Variants in MLLT3 observed in about 807,000 individuals in gnomAD.
MLLT3 encodes the protein protein AF-9.
A neutral mutation model predicts 53.2 loss-of-function variants in MLLT3; 4 were observed. That is an observed-to-expected ratio of 0.08 (90% CI 0.04 to 0.17). MLLT3 has a LOEUF of 0.17. MLLT3 is among the 10% of genes least tolerant of loss of function. MLLT3 has a pLI of 1.00. For missense variants in MLLT3, 569 were observed against 684.0 expected (o/e 0.83, Z 1.87); for synonymous variants, 283 against 230.6 (o/e 1.23, Z -2.06).
rs576964008 is a variant in MLLT3, at chr9:20,529,572, G to C, written c.194-72786C>G. Among the ~76,000 whole-genome samples the C allele has an allele frequency of 7.9e-5, 12 of 152,092 alleles. No individual in the cohort carries two copies. In the South Asian group the frequency reaches 2.5e-3, roughly 32 times the overall value. ...TCTAAAAGTATCAAATGCTTGTTTG[G>C]AATAAGCCACTCATGAAAATAATCA... On this transcript the variant is annotated intron_variant, in intron 2 of 10. Transcript: ENST00000380338.
intron 4 of MLLT3, among the ~76,000 whole-genome samples, chr9:20,427,763 G>C (rs185594462): frequency 1.3e-5 from 2 of 151,982 alleles, no homozygotes; most frequent in Admixed American, 1.3e-4. Flanking sequence ...GGCTTGACTG[G>C]GAGCCAGCTG....
At chr9:20,579,327 T>C (rs1819731409) in intron 2 of MLLT3, among the ~76,000 whole-genome samples, 1 of 151,984 alleles carries the variant, frequency 6.6e-6, no homozygotes. Context: ...CTTTGAGTAG[T>C]ACGCCACTAC....
chr9:20,534,656 G>A (rs373068560), intron 2 of MLLT3, among the ~76,000 whole-genome samples: 1 of 152,294 alleles, frequency 6.6e-6, no homozygotes, highest in East Asian at 1.9e-4. Flanking sequence ...GGACGCCAAG[G>A]CGGGCGGATC....
intron 4 of MLLT3, among the ~76,000 whole-genome samples, chr9:20,427,371 C>A (rs1018370845): frequency 1.3e-5 from 2 of 148,428 alleles, no homozygotes; most frequent in Non-Finnish European, 3.0e-5. Flanking sequence ...GGACTGAACA[C>A]AGCTGAAAAG....
chr9:20,564,293 G>C (rs1214367996), intron 2 of MLLT3, among the ~76,000 whole-genome samples: 1 of 151,900 alleles, frequency 6.6e-6, no homozygotes, highest in Non-Finnish European at 1.5e-5. Context: ...TGTCAGAAAA[G>C]TTTCATGCAC....
chr9:20,427,417 C>T (rs1350308711), intron 4 of MLLT3, among the ~76,000 whole-genome samples: 1 of 151,004 alleles, frequency 6.6e-6, no homozygotes, highest in Admixed American at 6.6e-5. Context: ...GAATAAACTG[C>T]CATAATACAA....
In MLLT3 at chr9:20,548,217, C is replaced by T. The variant is rs1195499146; in HGVS notation, c.193+72437G>A. On this transcript the variant is annotated intron_variant, in intron 2 of 10. Coordinates refer to ENST00000380338, the MANE Select transcript of MLLT3 (RefSeq NM_004529.4). ...AACCACATTTCAAGTACTCAACAGTCAAATTTGCCTAGTGACTGCCATATT... is the reference window on the plus strand; with the variant it reads ...AACCACATTTCAAGTACTCAACAGTTAAATTTGCCTAGTGACTGCCATATT... Among the ~76,000 whole-genome samples the T allele has an allele frequency of 3.9e-5, 6 of 152,324 alleles. No homozygotes were observed. In the East Asian group the frequency reaches 1.2e-3, roughly 29 times the overall value.
At chr9:20,588,755 G>T (rs139880588) in intron 2 of MLLT3, among the ~76,000 whole-genome samples, 5 of 152,014 alleles carry the variant, frequency 3.3e-5, no homozygotes, top group African/African-American at 1.2e-4. Context: ...GAGACAATGG[G>T]GTTTTCTAGA....
intron 2 of MLLT3, among the ~76,000 whole-genome samples, chr9:20,558,335 G>A (rs1013967453): frequency 1.3e-5 from 2 of 152,176 alleles, no homozygotes; most frequent in African/African-American, 4.8e-5. Flanking sequence ...GTTTCACCAT[G>A]TTGGCCAGGC....
chr9:20,581,455 G>C (rs752318943), intron 2 of MLLT3, among the ~76,000 whole-genome samples: 4 of 152,100 alleles, frequency 2.6e-5, no homozygotes, highest in Non-Finnish European at 4.4e-5. Flanking sequence ...GGAGTTCTAA[G>C]AGGCCACTTT....
intron 6 of MLLT3, among the ~76,000 whole-genome samples, chr9:20,364,936 A>T (rs1821413412): frequency 6.6e-6 from 1 of 152,260 alleles, no homozygotes; most frequent in South Asian, 2.1e-4. Flanking sequence ...TTTATTCTGA[A>T]TTCAAGTTAA....
chr9:20,426,547 T>C (rs1563961415), intron 4 of MLLT3, among the ~76,000 whole-genome samples: 1 of 151,962 alleles, frequency 6.6e-6, no homozygotes, highest in Admixed American at 6.6e-5. Flanking sequence ...AACTGAACAA[T>C]GGGAAAATAT....
At chr9:20,574,554 A>C (rs1364529044) in intron 2 of MLLT3, among the ~76,000 whole-genome samples, 2 of 152,248 alleles carry the variant, frequency 1.3e-5, no homozygotes, top group Non-Finnish European at 2.9e-5. Flanking sequence ...TGTCTTAAAA[A>C]TAATGCATAG....
chr9:20,566,070 G>GTA (rs59918419), intron 2 of MLLT3, among the ~76,000 whole-genome samples: 89,800 of 131,316 alleles, frequency 0.68, 32,290 homozygotes, highest in Middle Eastern at 0.88. Flanking sequence ...ATATATTTGT[G>GTA]TATATATATA....
chr9:20,386,488 T>C (rs2118710195), intron 5 of MLLT3, among the ~76,000 whole-genome samples: 1 of 152,340 alleles, frequency 6.6e-6, no homozygotes, highest in East Asian at 1.9e-4. Context: ...AAGGAGTTGA[T>C]CTGGCTCCTG....
chr9:20,542,236 ATATTTT>A (rs1563809287), intron 2 of MLLT3, among the ~76,000 whole-genome samples: 2 of 136,764 alleles, frequency 1.5e-5, no homozygotes. Context: ...ATGAGCAGTA[ATATTTT>A]TTTTTTTTTT....
At chr9:20,495,313 C>T (rs1825055112) in intron 2 of MLLT3, among the ~76,000 whole-genome samples, 1 of 152,158 alleles carries the variant, frequency 6.6e-6, no homozygotes, top group South Asian at 2.1e-4. Context: ...TCTCAGACTC[C>T]CCACTGCGAC....
At chr9:20,540,014 C>T (rs761684150) in intron 2 of MLLT3, among the ~76,000 whole-genome samples, 1 of 152,166 alleles carries the variant, frequency 6.6e-6, no homozygotes, top group Non-Finnish European at 1.5e-5. Context: ...GGCTACAAAC[C>T]CCAGGCAACT....
chr9:20,503,558 G>A (rs570070708), intron 2 of MLLT3, among the ~76,000 whole-genome samples: 1 of 152,076 alleles, frequency 6.6e-6, no homozygotes, highest in African/African-American at 2.4e-5. Context: ...ATGGACTAAA[G>A]ATTCAAATGT....
Sources: allele counts gnomAD v4.1 joint callset (sites outside exome capture counted in the v4.1 genomes callset), GRCh38; gene constraint gnomAD v4.1.1; transcripts MANE v1.5; gene names NCBI Gene and HGNC (gene_info 2026-07-23, HGNC 2026-07-21).